Variants in PTPRD observed in about 807,000 individuals in gnomAD.
PTPRD encodes the protein receptor-type tyrosine-protein phosphatase delta.
A neutral mutation model predicts 214.5 loss-of-function variants in PTPRD; 34 were observed. That is an observed-to-expected ratio of 0.16 (90% confidence interval 0.12 to 0.21). PTPRD has a LOEUF of 0.21. PTPRD is among the 10% of genes least tolerant of loss of function. PTPRD has a pLI of 1.00. For missense variants in PTPRD, 2,545 were observed against 2,398.7 expected (o/e 1.06, Z -1.27); for synonymous variants, 1,128 against 845.7 (o/e 1.33, Z -5.79).
intron 2 of PTPRD, among the ~76,000 whole-genome samples, chr9:10,496,952 A>C (rs1421671870): frequency 6.6e-6 from 1 of 151,912 alleles, no homozygotes; most frequent in Non-Finnish European, 1.5e-5. Context: ...CAGAAGCATG[A>C]AATACTACAC....
At chr9:10,479,282 G>T (rs1030011635) in intron 2 of PTPRD, among the ~76,000 whole-genome samples, 6 of 152,090 alleles carry the variant, frequency 3.9e-5, no homozygotes, top group Non-Finnish European at 8.8e-5. Flanking sequence ...AGAGGTACTT[G>T]TGTGTCATGT....
At chr9:9,999,815 C>T (rs1363760770) in intron 4 of PTPRD, among the ~76,000 whole-genome samples, 1 of 151,966 alleles carries the variant, frequency 6.6e-6, no homozygotes, top group African/African-American at 2.4e-5. Flanking sequence ...GACTTTTTAC[C>T]GAAGGTTGCT....
intron 8 of PTPRD, among the ~76,000 whole-genome samples, chr9:9,571,781 TTAAA>T (rs2086502828): frequency 6.6e-6 from 1 of 151,024 alleles, no homozygotes; most frequent in South Asian, 2.1e-4. Context: ...CATTAAATTA[TTAAA>T]TAACTACATA....
At chr9:9,031,767 T>C (rs367777238) in intron 10 of PTPRD, among the ~76,000 whole-genome samples, 65 of 151,952 alleles carry the variant, frequency 4.3e-4, no homozygotes, top group African/African-American at 1.3e-3. Flanking sequence ...AGTACTCAGA[T>C]AAAAACATAT....
In PTPRD at chr9:8,389,214, G is replaced by A. The variant is rs1291496543; in HGVS notation, c.4386+18C>T. 1.3e-6 allele frequency: 2 copies of A among 1,591,958 alleles called. No individual in the cohort carries two copies. The highest frequency in any genetic ancestry group is 3.5e-5 in the Admixed American group (2 of 57,362). On this transcript the variant is annotated intron_variant, in intron 37 of 45. Coordinates refer to ENST00000381196, the MANE Select transcript of PTPRD (RefSeq NM_002839.4). ...AGGGAAAATTTTTAAAAGGAAAGAG[G>A]TGGATACTTATTCTTACCCTTGATC...
chr9:9,202,362 T>A (rs1250968820), intron 9 of PTPRD, among the ~76,000 whole-genome samples: 3 of 152,200 alleles, frequency 2.0e-5, no homozygotes. Flanking sequence ...GTTTATGACA[T>A]TTTAATTTTC....
At chr9:10,592,310 A>G (rs1181955318) in intron 2 of PTPRD, among the ~76,000 whole-genome samples, 2 of 152,064 alleles carry the variant, frequency 1.3e-5, no homozygotes, top group African/African-American at 4.8e-5. Context: ...CAAATGCAGC[A>G]GCCAATTTAA....
In PTPRD at chr9:8,736,419, CT is replaced by C. The variant is rs199945419; in HGVS notation, c.-103-2474del. On this transcript the variant is annotated intron_variant, in intron 11 of 45. Coordinates refer to ENST00000381196, the MANE Select transcript of PTPRD (RefSeq NM_002839.4). ...TCATTTGCAAAATGAAACTGCATAC[CT>C]TTAATTTTTAAAACTGAAATATTTG... Among the ~76,000 whole-genome samples, 478 of 152,116 alleles carry C rather than the reference CT, an allele frequency of 3.1e-3. 4 individuals are homozygous for C. Among genetic ancestry groups the C allele is most frequent in the African/African-American group, 0.011 (437 of 41,494 alleles).
intron 3 of PTPRD, among the ~76,000 whole-genome samples, chr9:10,208,978 A>G (rs1399629233): frequency 6.6e-6 from 1 of 152,170 alleles, no homozygotes; most frequent in African/African-American, 2.4e-5. Context: ...TAAAGAGCTA[A>G]GAGTTCAGTT....
At chr9:10,515,761 C>A (rs2049875330) in intron 2 of PTPRD, among the ~76,000 whole-genome samples, 1 of 151,898 alleles carries the variant, frequency 6.6e-6, no homozygotes, top group Non-Finnish European at 1.5e-5. Flanking sequence ...TTCACTCAGA[C>A]CCCAGCAACC....
intron 3 of PTPRD, among the ~76,000 whole-genome samples, chr9:10,214,259 AT>A (rs1376067075): frequency 6.6e-6 from 1 of 151,694 alleles, no homozygotes; most frequent in African/African-American, 2.4e-5. Context: ...TTCATTTGCA[AT>A]TAATTCTTTT....
chr9:9,551,435 A>G (rs1353959215), intron 8 of PTPRD, among the ~76,000 whole-genome samples: 2 of 152,054 alleles, frequency 1.3e-5, no homozygotes, highest in Non-Finnish European at 2.9e-5. Context: ...ATTTAATTTT[A>G]CATCAATACA....
At chr9:10,151,998 A>T (rs887752971) in intron 3 of PTPRD, among the ~76,000 whole-genome samples, 1 of 152,302 alleles carries the variant, frequency 6.6e-6, no homozygotes, top group African/African-American at 2.4e-5. Flanking sequence ...AAGCTGCTAT[A>T]AACACCTACG....
rs188920341 is a variant in PTPRD, at chr9:8,482,319, T to C, written c.3413+1800A>G. On this transcript the variant is annotated intron_variant, in intron 30 of 45. Transcript: ENST00000381196. Reference sequence around the variant, plus strand: ...TGTACTACTACTCTAGTGTAACTCATGTCTACCTCTGCATCCTACTTCCAT... The same window carrying C: ...TGTACTACTACTCTAGTGTAACTCACGTCTACCTCTGCATCCTACTTCCAT... 2.0e-5 allele frequency among the ~76,000 whole-genome samples: 3 copies of C among 152,094 alleles called. 1 individual carries two copies. The highest frequency in any genetic ancestry group is 1.3e-4 in the Admixed American group (2 of 15,276).
chr9:9,629,100 G>A (rs1459874197), intron 7 of PTPRD, among the ~76,000 whole-genome samples: 1 of 151,640 alleles, frequency 6.6e-6, no homozygotes, highest in Non-Finnish European at 1.5e-5. Context: ...CTTGAACCCG[G>A]GAGGCGGAGG....
intron 5 of PTPRD, among the ~76,000 whole-genome samples, chr9:9,894,226 T>C (rs1039805729): frequency 6.6e-6 from 1 of 152,048 alleles, no homozygotes; most frequent in Non-Finnish European, 1.5e-5. Flanking sequence ...TCTGCCTCTG[T>C]TATGGGTCTC....
intron 14 of PTPRD, among the ~76,000 whole-genome samples, chr9:8,596,578 A>G (rs968421584): frequency 3.3e-5 from 5 of 152,048 alleles, no homozygotes; most frequent in African/African-American, 9.7e-5. Context: ...ATTTTGAAAA[A>G]CAAGACTGGT....
At chr9:9,790,877 A>G (rs12003958) in intron 5 of PTPRD, among the ~76,000 whole-genome samples, 6,312 of 152,244 alleles carry the variant, frequency 0.041, 442 homozygotes, top group African/African-American at 0.14. Flanking sequence ...ACTAATATAC[A>G]AGTACATGTA....
intron 13 of PTPRD, among the ~76,000 whole-genome samples, chr9:8,635,193 G>T (rs1046033862): frequency 3.3e-5 from 5 of 150,808 alleles, no homozygotes; most frequent in African/African-American, 1.2e-4. Flanking sequence ...GTGTTTATAT[G>T]ACTCTCATGG....
Sources: allele counts gnomAD v4.1 joint callset (sites outside exome capture counted in the v4.1 genomes callset), GRCh38; gene constraint gnomAD v4.1.1; transcripts MANE v1.5; gene names NCBI Gene and HGNC (gene_info 2026-07-23, HGNC 2026-07-21).